CAMK1D: variants seen among roughly 807,000 people sequenced by gnomAD.
The protein encoded by CAMK1D is calcium/calmodulin-dependent protein kinase type 1D.
CAMK1D carries 9 observed loss-of-function variants against 47.7 expected under a neutral mutation model. That is an observed-to-expected ratio of 0.19 (90% CI 0.11 to 0.33). The LOEUF (loss-of-function observed/expected upper bound fraction) is 0.33, where lower values mean the gene tolerates loss of function less well. CAMK1D is among the 10% of genes least tolerant of loss of function. The pLI is 1.00. For missense variants in CAMK1D, 291 were observed against 488.7 expected (o/e 0.60, Z 3.81); for synonymous variants, 184 against 184.9 (o/e 0.99, Z 0.04).
chr10:12,371,702 C>G (rs111227717), intron 1 of CAMK1D, among the ~76,000 whole-genome samples: 53,385 of 151,568 alleles, frequency 0.35, 9,646 homozygotes, highest in African/African-American at 0.42. Flanking sequence ...TCAAGACCAG[C>G]CTGGCCAAGA....
intron 1 of CAMK1D, among the ~76,000 whole-genome samples, chr10:12,501,726 TGG>T (rs1474672712): frequency 1.2e-4 from 18 of 152,270 alleles, no homozygotes; most frequent in African/African-American, 4.3e-4. Flanking sequence ...CTAGTGTCTG[TGG>T]GCGGAGATCG....
intron 1 of CAMK1D, among the ~76,000 whole-genome samples, chr10:12,535,204 C>T (rs1384611302): frequency 6.6e-6 from 1 of 152,206 alleles, no homozygotes; most frequent in African/African-American, 2.4e-5. Context: ...ACCGCAGGGT[C>T]CTTTGCACAT....
At chr10:12,458,008 C>T (rs1047445790) in intron 1 of CAMK1D, among the ~76,000 whole-genome samples, 2 of 152,138 alleles carry the variant, frequency 1.3e-5, no homozygotes, top group African/African-American at 4.8e-5. Context: ...AGCAAGTCAG[C>T]AACCAGCAAA....
chr10:12,419,954 G>A (rs1839992364), intron 1 of CAMK1D, among the ~76,000 whole-genome samples: 1 of 151,284 alleles, frequency 6.6e-6, no homozygotes, highest in African/African-American at 2.4e-5. Flanking sequence ...TGACATCTAT[G>A]TAACTTTTTT....
At chr10:12,690,492 A>G (rs1184491789) in intron 3 of CAMK1D, among the ~76,000 whole-genome samples, 2 of 152,158 alleles carry the variant, frequency 1.3e-5, no homozygotes, top group Admixed American at 1.3e-4. Flanking sequence ...GTGAATATTT[A>G]TGAGGGGGGT....
chr10:12,395,798 G>T (rs1410379698), intron 1 of CAMK1D, among the ~76,000 whole-genome samples: 1 of 151,686 alleles, frequency 6.6e-6, no homozygotes, highest in African/African-American at 2.4e-5. Flanking sequence ...ATGGTGGTGC[G>T]TGCCGGTAGT....
chr10:12,691,371 A>T (rs866593223), intron 3 of CAMK1D, among the ~76,000 whole-genome samples: 22 of 6,916 alleles, frequency 3.2e-3, no homozygotes, highest in Middle Eastern at 0.042. Context: ...ATATATATAT[A>T]TATATAAATA....
At chr10:12,432,838 C>T (rs144675348) in intron 1 of CAMK1D, among the ~76,000 whole-genome samples, 7 of 152,314 alleles carry the variant, frequency 4.6e-5, no homozygotes, top group Non-Finnish European at 7.3e-5. Context: ...TGGACACTCT[C>T]GAAGGCCAGA....
chr10:12,439,259 A>G (rs1397152740), intron 1 of CAMK1D, among the ~76,000 whole-genome samples: 2 of 152,178 alleles, frequency 1.3e-5, no homozygotes, highest in African/African-American at 4.8e-5. Context: ...AAGGCTGCAT[A>G]CGTCTCAGAG....
chr10:12,360,378 CTT>C (rs1280863104), intron 1 of CAMK1D, among the ~76,000 whole-genome samples: 1 of 152,168 alleles, frequency 6.6e-6, no homozygotes, highest in Non-Finnish European at 1.5e-5. Flanking sequence ...ACCTTTGTAG[CTT>C]TGAAAAATTT....
chr10:12,586,103 A>G (rs966478395), intron 2 of CAMK1D, among the ~76,000 whole-genome samples: 1 of 152,196 alleles, frequency 6.6e-6, no homozygotes, highest in Non-Finnish European at 1.5e-5. Context: ...AGATCCAAAC[A>G]TTTATGGAAG....
chr10:12,709,885 G>C (rs1833870885), intron 3 of CAMK1D, among the ~76,000 whole-genome samples: 1 of 152,182 alleles, frequency 6.6e-6, no homozygotes, highest in African/African-American at 2.4e-5. Context: ...GATTACCTTT[G>C]ATAAAAAGCC....
intron 1 of CAMK1D, among the ~76,000 whole-genome samples, chr10:12,485,078 G>A (rs1274594874): frequency 2.6e-5 from 4 of 152,222 alleles, no homozygotes; most frequent in Admixed American, 6.5e-5. Flanking sequence ...TCGCCTTCAC[G>A]TCTTGCATGT....
intron 3 of CAMK1D, among the ~76,000 whole-genome samples, chr10:12,720,294 TG>T (rs1834323713): frequency 6.6e-6 from 1 of 152,152 alleles, no homozygotes; most frequent in Non-Finnish European, 1.5e-5. Flanking sequence ...GAGTCACTCT[TG>T]GGGTATCAGT....
intron 2 of CAMK1D, among the ~76,000 whole-genome samples, chr10:12,588,391 A>C (rs1044430024): frequency 3.3e-5 from 5 of 152,210 alleles, no homozygotes; most frequent in African/African-American, 1.2e-4. Context: ...AATGTAAATA[A>C]GAGGCACACC....
chr10:12,593,717 A>G (rs529548264), intron 2 of CAMK1D, among the ~76,000 whole-genome samples: 51 of 152,326 alleles, frequency 3.3e-4, no homozygotes, highest in African/African-American at 1.2e-3. Flanking sequence ...AATAAACAAA[A>G]TACCATCCCC....
intron 3 of CAMK1D, among the ~76,000 whole-genome samples, chr10:12,751,109 AAGATAAGATAAGAT>A (rs1564535507): frequency 1.3e-3 from 78 of 61,512 alleles, no homozygotes; most frequent in Non-Finnish European, 1.9e-3. Flanking sequence ...AAGATAAGAT[AAGATAAGATAAGAT>A]AAGAAGGCTT....
intron 3 of CAMK1D, among the ~76,000 whole-genome samples, chr10:12,720,344 T>A (rs931237096): frequency 2.0e-5 from 3 of 152,234 alleles, no homozygotes; most frequent in Middle Eastern, 3.2e-3. Flanking sequence ...ATGGAGACAA[T>A]GTGCCTCTTG....
intron 3 of CAMK1D, among the ~76,000 whole-genome samples, chr10:12,747,301 A>T (rs1443356961): frequency 6.6e-6 from 1 of 152,066 alleles, no homozygotes; most frequent in African/African-American, 2.4e-5. Context: ...AAGTGCTGGG[A>T]TTACCGGCGT....
Sources: allele counts gnomAD v4.1 joint callset (sites outside exome capture counted in the v4.1 genomes callset), GRCh38; gene constraint gnomAD v4.1.1; transcripts MANE v1.5; gene names NCBI Gene and HGNC (gene_info 2026-07-23, HGNC 2026-07-21).